CGNL1: variants seen among roughly 807,000 people sequenced by gnomAD.
The protein encoded by CGNL1 is cingulin-like protein 1.
A neutral mutation model predicts 141.2 loss-of-function variants in CGNL1; 132 were observed. The ratio of observed to expected loss-of-function variants is 0.93; its 90% CI spans 0.81 to 1.08. The LOEUF is 1.08. Among genes scored for constraint, CGNL1 ranks in the 50% least tolerant of loss-of-function variants. CGNL1 has a pLI of 0.00. For missense variants in CGNL1, 1,870 were observed against 1,588.6 expected, an observed-to-expected ratio of 1.18 and a Z score of -3.01; for synonymous variants, 690 against 622.1, an observed-to-expected ratio of 1.11 and a Z score of -1.63.
chr15:57,475,510 TGTGTGTGTGTGTGTGTG>T (rs1294103166), intron 8 of CGNL1, among the ~76,000 whole-genome samples: 1 of 113,908 alleles, frequency 8.8e-6, no homozygotes, highest in Admixed American at 1.0e-4. Flanking sequence ...TGTGTGTGTG[TGTGTGTGTGTGTGTGTG>T]TGTGTGTGTT....
intron 8 of CGNL1, among the ~76,000 whole-genome samples, chr15:57,473,451 G>A (rs187730464): frequency 1.3e-5 from 2 of 152,344 alleles, no homozygotes; most frequent in East Asian, 3.9e-4. Context: ...GTTAATCAGA[G>A]TGCATAAGGC....
At chr15:57,507,958 G>T (rs1367513337) in intron 8 of CGNL1, among the ~76,000 whole-genome samples, 1 of 152,230 alleles carries the variant, frequency 6.6e-6, no homozygotes, top group Non-Finnish European at 1.5e-5. Context: ...GAAGTTAAAT[G>T]ATTTGTCTGT....
chr15:57,420,413 T>C (rs1476367346), intron 1 of CGNL1, among the ~76,000 whole-genome samples: 1 of 152,236 alleles, frequency 6.6e-6, no homozygotes, highest in East Asian at 1.9e-4. Context: ...TTCATACTGA[T>C]GTCTCCACTT....
In CGNL1 at chr15:57,437,974, C is replaced by G. The variant is rs2063127209; in HGVS notation, c.-15-11C>G. The stretch of plus-strand genomic sequence containing the variant: ...CTAATGTCCTCTTTTTACCCCATCT[C>G]TCCCTGGTAGCTGGAACAGTGAACC... On this transcript the variant is annotated splice_polypyrimidine_tract_variant and intron_variant, in intron 1 of 18. Coordinates refer to ENST00000281282, the MANE Select transcript of CGNL1 (RefSeq NM_032866.5). The G allele has an allele frequency of 6.3e-7, 1 of 1,596,274 alleles. No individual in the cohort carries two copies. Among genetic ancestry groups the G allele is most frequent in the Non-Finnish European group, 8.5e-7 (1 of 1,174,134 alleles).
intron 14 of CGNL1, among the ~76,000 whole-genome samples, chr15:57,536,210 C>T (rs1384237664): frequency 6.6e-6 from 1 of 152,126 alleles, no homozygotes; most frequent in Non-Finnish European, 1.5e-5. Context: ...ATGAGAACAG[C>T]ACAGGAAAAA....
chr15:57,448,202 C>T (rs1242511084), intron 4 of CGNL1, among the ~76,000 whole-genome samples: 1 of 151,508 alleles, frequency 6.6e-6, no homozygotes, highest in Non-Finnish European at 1.5e-5. Context: ...CATAACTGCT[C>T]AGGAGGCTGA....
At chr15:57,395,087 G>C (rs2062588092) in intron 1 of CGNL1, among the ~76,000 whole-genome samples, 1 of 152,216 alleles carries the variant, frequency 6.6e-6, no homozygotes, top group African/African-American at 2.4e-5. Flanking sequence ...CTCCAGCCTG[G>C]ATGACAGAGT....
In CGNL1 at chr15:57,479,935, A is replaced by T. The variant is rs116579835; in HGVS notation, c.2403+18043A>T. ...GGGGGAAAAGATGAGTCTGAAAGGT[A>T]TGAGAGGGTGACAGCAAAGGACAGA... is the stretch of plus-strand genomic sequence containing the variant. On this transcript the variant is annotated intron_variant, in intron 8 of 18. Transcript: ENST00000281282. Among the ~76,000 whole-genome samples, 583 of 152,288 alleles carry T rather than the reference A, an allele frequency of 3.8e-3. 3 individuals carry two copies. The highest frequency in any genetic ancestry group is 0.014 in the African/African-American group (565 of 41,572).
rs2032841512 is a variant in CGNL1 at position 57,545,981 on chromosome 15, G to T, written c.3610-95G>T. ...CTGGCTGCCCCATTGCCCATGTCTT[G>T]GTTGCCTGGGGAGATGGTGGCTGGA... On this transcript the variant is annotated intron_variant, in intron 17 of 18. Transcript: ENST00000281282. 3 of 1,398,250 alleles carry T rather than the reference G, an allele frequency of 2.1e-6. No homozygotes were observed. In the East Asian group the frequency reaches 6.9e-5, roughly 32 times the overall value. The allele number at this position is 1,398,250 out of a possible 1,614,324, so 86.6% of individuals were successfully genotyped here.
rs530414762 is a variant in CGNL1 at position 57,504,362 on chromosome 15, A to G, written c.2404-12418A>G. Among the ~76,000 whole-genome samples the G allele has an allele frequency of 1.9e-4, 29 of 152,322 alleles. 1 individual carries two copies. In the South Asian group the frequency reaches 5.8e-3, roughly 30 times the overall value. On this transcript the variant is annotated intron_variant, in intron 8 of 18. Coordinates refer to ENST00000281282, the MANE Select transcript of CGNL1 (RefSeq NM_032866.5). ...TGAGCCAGGATTTAAACTCAAGTCT[A>G]TCTGACTCTGGGAGCCCAGGCTCTT...
intron 17 of CGNL1, 122 bp from the exon 18 acceptor site, chr15:57,545,954 G>A: frequency 9.0e-7 from 1 of 1,111,876 alleles, no homozygotes; most frequent in South Asian, 1.6e-5. Context: ...TTTCCCAAGA[G>A]ACTGGCTGCC....
chr15:57,445,736 G>T (rs1354313341), intron 4 of CGNL1, among the ~76,000 whole-genome samples: 1 of 152,176 alleles, frequency 6.6e-6, no homozygotes, highest in Non-Finnish European at 1.5e-5. Context: ...TGTGAGCCAA[G>T]ATGCCGCCGT....
intron 8 of CGNL1, among the ~76,000 whole-genome samples, chr15:57,494,958 G>A (rs1453040334): frequency 6.6e-6 from 1 of 152,180 alleles, no homozygotes; most frequent in Non-Finnish European, 1.5e-5. Flanking sequence ...TCCTGTCTTA[G>A]GGATTTATCA....
chr15:57,498,423 T>C (rs1462156675), intron 8 of CGNL1, among the ~76,000 whole-genome samples: 1 of 152,052 alleles, frequency 6.6e-6, no homozygotes, highest in Non-Finnish European at 1.5e-5. Flanking sequence ...CAGGCTGGTC[T>C]CAAACCCCTG....
intron 8 of CGNL1, among the ~76,000 whole-genome samples, chr15:57,479,189 C>T (rs12440928): frequency 0.13 from 19,466 of 152,142 alleles, 1,848 homozygotes; most frequent in East Asian, 0.45. Context: ...AACAAATACA[C>T]GCTCTGTAAA....
intron 1 of CGNL1, among the ~76,000 whole-genome samples, chr15:57,416,145 A>C (rs1250828570): frequency 2.0e-5 from 3 of 151,196 alleles, no homozygotes; most frequent in African/African-American, 7.3e-5. Flanking sequence ...GATCCCTTTT[A>C]GTCCCTGTGG....
chr15:57,478,894 C>T (rs934980325), intron 8 of CGNL1, among the ~76,000 whole-genome samples: 2 of 152,210 alleles, frequency 1.3e-5, no homozygotes, highest in African/African-American at 4.8e-5. Flanking sequence ...CCACCTCTGC[C>T]TCCCAAAGTG....
intron 8 of CGNL1, among the ~76,000 whole-genome samples, chr15:57,493,431 A>G (rs1595762281): frequency 6.6e-6 from 1 of 152,192 alleles, no homozygotes; most frequent in South Asian, 2.1e-4. Flanking sequence ...CACAGAAAGC[A>G]TGCTTATCAA....
chr15:57,546,806 A>G (rs1314234517), intron 18 of CGNL1, among the ~76,000 whole-genome samples: 1 of 152,094 alleles, frequency 6.6e-6, no homozygotes, highest in African/African-American at 2.4e-5. Flanking sequence ...ATGGTAATCC[A>G]TAGAGCTGAG....
Sources: gnomAD v4.1 joint callset for allele counts (sites outside exome capture counted in the v4.1 genomes callset) on GRCh38, gnomAD v4.1.1 for gene constraint, MANE v1.5 for transcripts, NCBI Gene and HGNC (gene_info 2026-07-23, HGNC 2026-07-21) for gene names.